The following C12orf54 variants were observed in gnomAD, a reference collection of about 807,000 sequenced individuals.
The protein encoded by C12orf54 is chromosome 12 open reading frame 54.
Under a neutral mutation model 26.4 loss-of-function variants are expected in C12orf54, and 24 were observed. The ratio of observed to expected loss-of-function variants is 0.91; its 90% CI spans 0.66 to 1.28. The LOEUF is 1.28. Among genes scored for constraint, C12orf54 ranks in the 50% most tolerant of loss-of-function variants. The pLI, the probability that C12orf54 is intolerant of heterozygous loss-of-function variation, is 0.00. For synonymous variants in C12orf54, 54 were observed against 47.0 expected (o/e 1.15, Z -0.61); for missense variants, 154 against 150.9 (o/e 1.02, Z -0.11).
chr12:48,458,766 A>T, the C12orf54 span, among the ~76,000 whole-genome samples: 1 of 150,814 alleles, frequency 6.6e-6, no homozygotes, highest in Non-Finnish European at 1.5e-5. Context: ...CTCATACCTC[A>T]TCCTGATGGT....
At chr12:48,420,703 C>T in the C12orf54 span, among the ~76,000 whole-genome samples, 1 of 152,096 alleles carries the variant, frequency 6.6e-6, no homozygotes, top group South Asian at 2.1e-4. Flanking sequence ...TGGACGTACT[C>T]CATTAACCAA....
chr12:48,469,241 A>C, the C12orf54 span, among the ~76,000 whole-genome samples: 1 of 152,230 alleles, frequency 6.6e-6, no homozygotes, highest in Non-Finnish European at 1.5e-5. Flanking sequence ...GCAGGAGACC[A>C]GGGAGTATTT....
At chr12:48,434,337 C>T in the C12orf54 span, among the ~76,000 whole-genome samples, 3 of 152,192 alleles carry the variant, frequency 2.0e-5, no homozygotes, top group Non-Finnish European at 4.4e-5. Flanking sequence ...CCTCTGGGGG[C>T]AGGGCACAGA....
the C12orf54 span, among the ~76,000 whole-genome samples, chr12:48,467,927 C>T: frequency 6.6e-6 from 1 of 152,198 alleles, no homozygotes; most frequent in Admixed American, 6.5e-5. Context: ...GTAGGATGCC[C>T]TTGTATCCTC....
At chr12:48,444,347 C>A in the C12orf54 span, among the ~76,000 whole-genome samples, 2 of 152,176 alleles carry the variant, frequency 1.3e-5, no homozygotes, top group African/African-American at 2.4e-5. Context: ...AGACACAGAA[C>A]CGCATCACTC....
chr12:48,484,039 C>T (rs4554937), intron 2 of C12orf54, among the ~76,000 whole-genome samples: 19,278 of 152,072 alleles, frequency 0.13, 1,612 homozygotes, highest in Non-Finnish European at 0.2. Flanking sequence ...ACTAAAATTA[C>T]AAAAAATTAG....
rs1954220173 is a variant in C12orf54, at chr12:48,483,300, G to A, written c.4G>A (p.Ala2Thr). 6.2e-7 allele frequency: 1 copy of A among 1,613,708 alleles called. No homozygotes were observed. Among genetic ancestry groups the A allele is most frequent in the Admixed American group, 1.7e-5 (1 of 59,976 alleles). The change falls in exon 2 of 9, where the codon GCA (alanine) becomes ACA (threonine). Residue 2 changes from alanine (A) to threonine (T), a missense_variant. Coordinates refer to ENST00000548364, the MANE Select transcript of C12orf54 (RefSeq NM_152319.4). ...CTTGGTTTCTGTCTGAGAACAAATGGCACAGCATCCCTGCCAGGATCAGGA... is the reference window on the plus strand; with the variant it reads ...CTTGGTTTCTGTCTGAGAACAAATGACACAGCATCCCTGCCAGGATCAGGA... M[A>T]QHPCQDQEQK...
At chr12:48,479,075 C>A (rs956217965), upstream of C12orf54, among the ~76,000 whole-genome samples, 1 of 152,072 alleles carries the variant, frequency 6.6e-6, no homozygotes, top group Non-Finnish European at 1.5e-5. Context: ...ATGTTTATTG[C>A]GGCACTATTC....
chr12:48,487,922 GC>G (rs1937689244), intron 4 of C12orf54: 1 of 623,398 alleles, frequency 1.6e-6, no homozygotes, highest in South Asian at 1.9e-5. Context: ...GCCAGCCCTG[GC>G]CCTGGATCCT....
chr12:48,448,161 CAG>C, the C12orf54 span, among the ~76,000 whole-genome samples: 11 of 152,186 alleles, frequency 7.2e-5, no homozygotes, highest in Non-Finnish European at 1.3e-4. Flanking sequence ...GAGACTCTGA[CAG>C]AGAAACCATG....
At chr12:48,465,970 A>T in the C12orf54 span, among the ~76,000 whole-genome samples, 4 of 152,206 alleles carry the variant, frequency 2.6e-5, no homozygotes, top group Non-Finnish European at 5.9e-5. Flanking sequence ...AAGCCTAAAA[A>T]TTCTGAAATT....
intron 2 of C12orf54, among the ~76,000 whole-genome samples, chr12:48,483,787 G>T (rs1283380745): frequency 2.0e-5 from 3 of 152,184 alleles, no homozygotes; most frequent in African/African-American, 7.2e-5. Flanking sequence ...TATCCATGAA[G>T]TCAGAAAAGA....
chr12:48,454,507 G>T, the C12orf54 span, among the ~76,000 whole-genome samples: 1 of 152,146 alleles, frequency 6.6e-6, no homozygotes, highest in Non-Finnish European at 1.5e-5. Context: ...GATTAGAAAG[G>T]CCTAGGAGAT....
At chr12:48,476,465 G>A in the C12orf54 span, among the ~76,000 whole-genome samples, 6 of 152,148 alleles carry the variant, frequency 3.9e-5, no homozygotes, top group African/African-American at 1.4e-4. Context: ...TGGATAAAGA[G>A]TCAAGACCCA....
chr12:48,443,443 A>T, the C12orf54 span, among the ~76,000 whole-genome samples: 1 of 152,140 alleles, frequency 6.6e-6, no homozygotes, highest in African/African-American at 2.4e-5. Flanking sequence ...ACTGACTTTT[A>T]CTTTTTCAAT....
the C12orf54 span, among the ~76,000 whole-genome samples, chr12:48,473,980 C>T: frequency 1.2e-4 from 19 of 152,246 alleles, no homozygotes; most frequent in East Asian, 2.9e-3. Flanking sequence ...CTTCACAGAT[C>T]GTGGTGGGCT....
At chr12:48,438,259 C>T in the C12orf54 span, among the ~76,000 whole-genome samples, 880 of 152,238 alleles carry the variant, frequency 5.8e-3, 6 homozygotes, top group Non-Finnish European at 9.7e-3. Flanking sequence ...AAAGAGGATA[C>T]AAACAAATGG....
At chr12:48,427,524 T>A in the C12orf54 span, among the ~76,000 whole-genome samples, 1 of 152,144 alleles carries the variant, frequency 6.6e-6, no homozygotes, top group Non-Finnish European at 1.5e-5. Flanking sequence ...TCAAGGATAT[T>A]GACCTGAAGC....
At chr12:48,428,329 C>T in the C12orf54 span, among the ~76,000 whole-genome samples, 2 of 143,470 alleles carry the variant, frequency 1.4e-5, no homozygotes, top group South Asian at 2.1e-4. Flanking sequence ...CAGAGAAGAA[C>T]TAAATGAAAT....
Sources: gnomAD v4.1 joint callset for allele counts (sites outside exome capture counted in the v4.1 genomes callset) on GRCh38, gnomAD v4.1.1 for gene constraint, MANE v1.5 for transcripts, NCBI Gene and HGNC (gene_info 2026-07-23, HGNC 2026-07-21) for gene names.